Variants in DACH1 observed in about 807,000 individuals in gnomAD.
The protein encoded by DACH1 is dachshund homolog 1.
DACH1 carries 12 observed loss-of-function variants against 54.2 expected under a neutral mutation model. The ratio of observed to expected loss-of-function variants is 0.22; its 90% CI spans 0.14 to 0.36. The LOEUF (loss-of-function observed/expected upper bound fraction) is 0.36. Ranked by LOEUF, DACH1 falls within the 10% of genes least tolerant of loss-of-function variation. The pLI is 1.00. For missense variants in DACH1, 805 were observed against 929.8 expected (o/e 0.87, Z 1.75); for synonymous variants, 386 against 366.2 (o/e 1.05, Z -0.62).
At chr13:71,695,010 T>C (rs1224662507) in intron 1 of DACH1, among the ~76,000 whole-genome samples, 1 of 152,218 alleles carries the variant, frequency 6.6e-6, no homozygotes, top group Non-Finnish European at 1.5e-5. Context: ...GTATAAGTTT[T>C]CTTATTATTT....
intron 6 of DACH1, among the ~76,000 whole-genome samples, chr13:71,496,277 A>ATGTATATATG (rs1228955137): frequency 7.4e-5 from 8 of 108,388 alleles, no homozygotes; most frequent in African/African-American, 2.7e-4. Context: ...ATATATATAT[A>ATGTATATATG]TATATATATA....
intron 1 of DACH1, chr13:71,704,353 C>G (rs1309684516): frequency 4.7e-6 from 2 of 427,562 alleles, no homozygotes; most frequent in Non-Finnish European, 9.0e-6. Flanking sequence ...GTTACCATGG[C>G]AAAACTGGAA....
At chr13:71,469,084 G>A (rs1354751313) in intron 10 of DACH1, among the ~76,000 whole-genome samples, 1 of 152,076 alleles carries the variant, frequency 6.6e-6, no homozygotes, top group African/African-American at 2.4e-5. Context: ...GAAGCAACAA[G>A]GACTTTGAAG....
At chr13:71,711,561 T>C (rs1467869101) in intron 1 of DACH1, among the ~76,000 whole-genome samples, 2 of 152,188 alleles carry the variant, frequency 1.3e-5, no homozygotes, top group African/African-American at 4.8e-5. Context: ...ATTAAATATT[T>C]CCCATTTTAA....
chr13:71,613,840 T>C (rs1487164035), intron 3 of DACH1, among the ~76,000 whole-genome samples: 2 of 152,036 alleles, frequency 1.3e-5, no homozygotes, highest in Non-Finnish European at 2.9e-5. Flanking sequence ...ACCTCCCGAG[T>C]TGCTGGGACC....
intron 3 of DACH1, among the ~76,000 whole-genome samples, chr13:71,584,357 G>A (rs1469433992): frequency 6.6e-6 from 1 of 152,102 alleles, no homozygotes; most frequent in South Asian, 2.1e-4. Context: ...TTGCTTTTCA[G>A]AAAGAAACAT....
At chr13:71,498,282 A>T (rs1403162560) in intron 6 of DACH1, among the ~76,000 whole-genome samples, 1 of 152,210 alleles carries the variant, frequency 6.6e-6, no homozygotes, top group Non-Finnish European at 1.5e-5. Flanking sequence ...AGTCGCAGCT[A>T]CCTAACATAT....
At chr13:71,742,052 G>C (rs1884411055) in intron 1 of DACH1, among the ~76,000 whole-genome samples, 1 of 152,108 alleles carries the variant, frequency 6.6e-6, no homozygotes, top group Admixed American at 6.6e-5. Flanking sequence ...TCTTTCCCCT[G>C]CTATTCTTAA....
At chr13:71,593,234 C>T (rs1873859975) in intron 3 of DACH1, among the ~76,000 whole-genome samples, 1 of 152,034 alleles carries the variant, frequency 6.6e-6, no homozygotes, top group Admixed American at 6.6e-5. Context: ...AATGTTCAAA[C>T]CAATGTTTTG....
At chr13:71,726,808 CTT>C (rs1184352848) in intron 1 of DACH1, among the ~76,000 whole-genome samples, 2 of 151,832 alleles carry the variant, frequency 1.3e-5, no homozygotes, top group Non-Finnish European at 2.9e-5. Context: ...TAATATATCT[CTT>C]ATTAAACAAT....
At chr13:71,638,597 T>C (rs1877671336) in intron 2 of DACH1, among the ~76,000 whole-genome samples, 1 of 152,186 alleles carries the variant, frequency 6.6e-6, no homozygotes, top group Non-Finnish European at 1.5e-5. Context: ...GAAGAGTGTA[T>C]TTTTAATTTA....
Position 71,630,702 on chromosome 13 carries a change from G to A in DACH1, c.980C>T (p.Ala327Val), listed in dbSNP as rs1224436251. 1 of 1,585,048 alleles carries A rather than the reference G, an allele frequency of 6.3e-7. No individual in the cohort carries two copies. Among genetic ancestry groups the A allele is most frequent in the Non-Finnish European group, 8.5e-7 (1 of 1,172,048 alleles). Residue 327 changes from alanine to valine, a missense_variant, in exon 3 of 11, where the codon GCT becomes GTT. Coordinates refer to ENST00000613252, the MANE Select transcript of DACH1 (RefSeq NM_080759.6). ...IIPPTGLTAA[A>V]AAAAAATNAA... ...ATTGGTAGCAGCAGCAGCTGCTGCA[G>A]CGGCTGCTGTCAGACCTTAAAAGAA...
At chr13:71,530,475 CT>C (rs1414445274) in intron 6 of DACH1, among the ~76,000 whole-genome samples, 1 of 151,938 alleles carries the variant, frequency 6.6e-6, no homozygotes, top group African/African-American at 2.4e-5. Context: ...GTTATTTGAA[CT>C]TTTAAACGAG....
intron 7 of DACH1, among the ~76,000 whole-genome samples, chr13:71,481,367 T>A (rs1878015558): frequency 6.6e-6 from 1 of 152,212 alleles, no homozygotes; most frequent in African/African-American, 2.4e-5. Context: ...TGTGAAACAA[T>A]CATTATGAAT....
intron 6 of DACH1, among the ~76,000 whole-genome samples, chr13:71,505,102 T>C (rs1354141648): frequency 6.6e-6 from 1 of 152,160 alleles, no homozygotes; most frequent in East Asian, 1.9e-4. Flanking sequence ...TCTTTCTTTC[T>C]TTCTGGAGTC....
In DACH1 at chr13:71,638,371, G is replaced by A. The variant is rs202062328; in HGVS notation, c.965-7654C>T. 2.0e-4 allele frequency among the ~76,000 whole-genome samples: 31 copies of A among 152,218 alleles called. No individual in the cohort carries two copies. In the East Asian group the frequency reaches 5.0e-3, roughly 25 times the overall value. On this transcript the variant is annotated intron_variant, in intron 2 of 10. Coordinates refer to ENST00000613252, the MANE Select transcript of DACH1 (RefSeq NM_080759.6). The stretch of plus-strand genomic sequence containing the variant: ...AAAATCGAACATGTGGCATTAATAC[G>A]CAGTCCTGGTTCCTAACCATCTGAT...
chr13:71,865,701 G>A (rs557378955), intron 1 of DACH1, among the ~76,000 whole-genome samples: 2 of 152,286 alleles, frequency 1.3e-5, no homozygotes, highest in Non-Finnish European at 2.9e-5. Flanking sequence ...GGCAAGGGGA[G>A]GACCGGGCCG....
intron 1 of DACH1, among the ~76,000 whole-genome samples, chr13:71,713,329 T>C (rs1011030122): frequency 1.3e-4 from 20 of 152,106 alleles, no homozygotes; most frequent in African/African-American, 4.8e-4. Flanking sequence ...AAGAATTTAT[T>C]TCTATTGTTT....
At chr13:71,491,779 T>G (rs540120292) in intron 6 of DACH1, among the ~76,000 whole-genome samples, 1 of 152,310 alleles carries the variant, frequency 6.6e-6, no homozygotes, top group South Asian at 2.1e-4. Flanking sequence ...TTCGTTTAGC[T>G]CTTCCTACAA....
Sources: allele counts gnomAD v4.1 joint callset (sites outside exome capture counted in the v4.1 genomes callset), GRCh38; gene constraint gnomAD v4.1.1; transcripts MANE v1.5; gene names NCBI Gene and HGNC (gene_info 2026-07-23, HGNC 2026-07-21).